VSTM4: variants seen among roughly 807,000 people sequenced by gnomAD.
The protein encoded by VSTM4 is V-set and transmembrane domain containing 4.
A neutral mutation model predicts 36.4 loss-of-function variants in VSTM4; 20 were observed. The observed-to-expected ratio is 0.55, with a 90% CI of 0.39 to 0.80. The LOEUF (loss-of-function observed/expected upper bound fraction) is 0.80, where lower values mean the gene tolerates loss of function less well. Among genes scored for constraint, VSTM4 ranks in the 30% least tolerant of loss-of-function variants. The probability of loss-of-function intolerance (pLI) is 0.00; values close to 1 mark genes in which losing one functional copy is unlikely to be tolerated. For missense variants in VSTM4, 392 were observed against 404.5 expected (o/e 0.97, Z 0.26); for synonymous variants, 182 against 173.9 (o/e 1.05, Z -0.37).
At chr10:49,045,363 G>C (rs1038839705) in intron 7 of VSTM4, among the ~76,000 whole-genome samples, 3 of 151,994 alleles carry the variant, frequency 2.0e-5, no homozygotes, top group Admixed American at 6.6e-5. Context: ...TGAAAAAAGG[G>C]GGCCATTTTC....
chr10:49,112,722 A>G (rs1227705601), intron 1 of VSTM4, among the ~76,000 whole-genome samples: 1 of 152,196 alleles, frequency 6.6e-6, no homozygotes, highest in Non-Finnish European at 1.5e-5. Flanking sequence ...TGCTATCTTG[A>G]AATTTTAATA....
chr10:49,108,165 G>C (rs1365803962), intron 1 of VSTM4, among the ~76,000 whole-genome samples, 170 bp from the exon 2 acceptor site: 1 of 152,150 alleles, frequency 6.6e-6, no homozygotes, highest in East Asian at 1.9e-4. Flanking sequence ...TTCTTCTGGG[G>C]GTGAGCCTCT....
At chr10:49,023,397 A>G (rs187331509) in intron 7 of VSTM4, among the ~76,000 whole-genome samples, 151 of 152,362 alleles carry the variant, frequency 9.9e-4, no homozygotes, top group Admixed American at 4.8e-3. Context: ...ACTGGTTTTC[A>G]CCAAACTACG....
intron 4 of VSTM4, 53 bp from the exon 5 acceptor site, chr10:49,064,789 T>C (rs1421931613): frequency 1.3e-6 from 2 of 1,574,412 alleles, no homozygotes; most frequent in Admixed American, 1.8e-5. Flanking sequence ...TTCAGATATA[T>C]ATGCTCCAGG....
rs577372397 is a variant in VSTM4 at position 49,014,685 on chromosome 10, C to G, written c.*4965G>C. On this transcript the variant is annotated 3_prime_UTR_variant, in exon 8 of 8. Transcript: ENST00000332853. The stretch of plus-strand genomic sequence containing the variant: ...AATTCAGAATGAGCAAAGGCTTAAC[C>G]TCTATTCTCCCTGCCCTCTGCAGAG... The G allele has an allele frequency of 6.6e-6, 1 of 152,290 alleles. No individual in the cohort carries two copies. The highest frequency in any genetic ancestry group is 6.5e-5 in the Admixed American group (1 of 15,302). 9.4% of individuals were successfully genotyped at this position (152,290 alleles called of 1,614,324 possible).
In VSTM4 at chr10:49,049,212, T is replaced by G. The variant is rs1590086084; in HGVS notation, c.669-628A>C. ...GAGGAGCGCTGGGAGTGTTTCCAACTACCTTGACCCTGTGTAATTACTGCA... is the reference window on the plus strand; with the variant it reads ...GAGGAGCGCTGGGAGTGTTTCCAACGACCTTGACCCTGTGTAATTACTGCA... On this transcript the variant is annotated intron_variant, in intron 5 of 7. Transcript: ENST00000332853. Among the ~76,000 whole-genome samples the G allele has an allele frequency of 4.6e-5, 7 of 152,328 alleles. No homozygotes were observed. In the South Asian group the frequency reaches 1.5e-3, roughly 32 times the overall value.
At chr10:49,103,658 T>G in intron 2 of VSTM4, 1 of 1,565,196 alleles carries the variant, frequency 6.4e-7, no homozygotes, top group South Asian at 1.2e-5. Flanking sequence ...GGCGAGGTGT[T>G]CATGACAGGG....
intron 2 of VSTM4, among the ~76,000 whole-genome samples, chr10:49,090,689 C>T (rs181895862): frequency 3.9e-5 from 6 of 152,318 alleles, no homozygotes; most frequent in African/African-American, 1.4e-4. Flanking sequence ...CCACAGCCCC[C>T]CTCTGGGTGA....
Position 49,115,497 on chromosome 10 carries a change from C to A in VSTM4, c.-12G>T. On this transcript the variant is annotated 5_prime_UTR_variant, in exon 1 of 8. Transcript: ENST00000332853. ...GCCAGCAGCCGCATCTCCCCGCCGCCGCCCGGCGCTGTGACGCGGGAGAGC... is the reference window on the plus strand; with the variant it reads ...GCCAGCAGCCGCATCTCCCCGCCGCAGCCCGGCGCTGTGACGCGGGAGAGC... 1 of 995,622 alleles carries A rather than the reference C, an allele frequency of 1.0e-6. No homozygotes were observed. The highest frequency in any genetic ancestry group is 1.2e-6 in the Non-Finnish European group (1 of 839,252). 61.7% of individuals were successfully genotyped at this position (995,622 alleles called of 1,614,324 possible). A position where few individuals can be genotyped will look rare whatever the true frequency, so the allele number is the denominator to read the frequency against.
chr10:49,015,329 G>C lies in VSTM4; in HGVS notation c.*4321C>G, dbSNP rs985156828. On this transcript the variant is annotated 3_prime_UTR_variant, in exon 8 of 8. Transcript: ENST00000332853. Reference sequence around the variant, plus strand: ...GTAGAGACAGGGTTTCACCGTGTTAGCCAGGATGGTCTCGATCTCCTGACC... The same window carrying C: ...GTAGAGACAGGGTTTCACCGTGTTACCCAGGATGGTCTCGATCTCCTGACC... The C allele has an allele frequency of 6.6e-6, 1 of 152,102 alleles. No individual in the cohort carries two copies. The highest frequency in any genetic ancestry group is 1.5e-5 in the Non-Finnish European group (1 of 68,056). The allele number at this position is 152,102 out of a possible 1,614,324, so 9.4% of individuals were successfully genotyped here. A position where few individuals can be genotyped will look rare whatever the true frequency, so the allele number is the denominator to read the frequency against.
chr10:49,071,645 G>T (rs756974386), intron 4 of VSTM4, among the ~76,000 whole-genome samples: 2 of 152,238 alleles, frequency 1.3e-5, no homozygotes, highest in Non-Finnish European at 2.9e-5. Flanking sequence ...CCTGGGATGG[G>T]CTGTGTTTAT....
Position 49,070,027 on chromosome 10 carries a change from C to T in VSTM4, c.635-5291G>A, listed in dbSNP as rs1054485956. Among the ~76,000 whole-genome samples, 19 of 124,822 alleles carry T rather than the reference C, an allele frequency of 1.5e-4. 4 individuals carry two copies. In the East Asian group the frequency reaches 2.6e-3, roughly 17 times the overall value. 81.9% of individuals were successfully genotyped at this position (124,822 alleles called of 152,430 possible). A position where few individuals can be genotyped will look rare whatever the true frequency, so the allele number is the denominator to read the frequency against. ...CAGCACTTTGGGAGGCCGAGGCGGG[C>T]GGATCACGAGGTCAGGAGATCGAGA... On this transcript the variant is annotated intron_variant, in intron 4 of 7. Coordinates refer to ENST00000332853, the MANE Select transcript of VSTM4 (RefSeq NM_001031746.5).
At chr10:49,064,577 G>C (rs1843938538) in intron 5 of VSTM4, 126 bp downstream of exon 5, 3 of 1,085,586 alleles carry the variant, frequency 2.8e-6, no homozygotes, top group Non-Finnish European at 4.1e-6. Flanking sequence ...ACATTTGCAG[G>C]CATATTTGTG....
intron 7 of VSTM4, among the ~76,000 whole-genome samples, chr10:49,035,125 G>A (rs749171615): frequency 2.9e-4 from 44 of 152,244 alleles, no homozygotes; most frequent in Non-Finnish European, 1.8e-4. Flanking sequence ...GCACAACCAG[G>A]AAAGGCCACC....
intron 2 of VSTM4, chr10:49,103,820 C>A: frequency 6.2e-7 from 1 of 1,614,064 alleles, no homozygotes; most frequent in Non-Finnish European, 8.5e-7. Flanking sequence ...CAAGGGAAAT[C>A]CCAAGAAAAG....
chr10:49,036,783 G>C (rs1442943658), intron 7 of VSTM4, among the ~76,000 whole-genome samples: 2 of 152,236 alleles, frequency 1.3e-5, no homozygotes, highest in East Asian at 3.8e-4. Flanking sequence ...GAACAAGGCA[G>C]GGCATCTCAG....
chr10:49,107,548 G>A, intron 2 of VSTM4, 46 bp downstream of exon 2: 3 of 1,555,388 alleles, frequency 1.9e-6, no homozygotes, highest in Non-Finnish European at 2.6e-6. Context: ...GGGGCCTACT[G>A]GCCTGCCCCA....
chr10:49,047,182 G>A (rs1843625765), intron 6 of VSTM4, 138 bp from the exon 7 acceptor site: 1 of 859,756 alleles, frequency 1.2e-6, no homozygotes, highest in Non-Finnish European at 1.9e-6. Flanking sequence ...TGATCTAGGT[G>A]TCAGCAAGTG....
At chr10:49,072,069 G>A (rs940316344) in intron 4 of VSTM4, among the ~76,000 whole-genome samples, 1 of 152,210 alleles carries the variant, frequency 6.6e-6, no homozygotes, top group Non-Finnish European at 1.5e-5. Flanking sequence ...GCAGGTTTTA[G>A]TGATGTCATT....
Sources: allele counts gnomAD v4.1 joint callset (sites outside exome capture counted in the v4.1 genomes callset), GRCh38; gene constraint gnomAD v4.1.1; transcripts MANE v1.5; gene names NCBI Gene and HGNC (gene_info 2026-07-23, HGNC 2026-07-21).